LAMA5: variants seen among roughly 807,000 people sequenced by gnomAD.
The protein encoded by LAMA5 is laminin subunit alpha 5.
In LAMA5, 260 loss-of-function variants were observed where a neutral mutation model predicts 433.4. The ratio of observed to expected loss-of-function variants is 0.60; its 90% CI spans 0.54 to 0.66. The LOEUF (loss-of-function observed/expected upper bound fraction) is 0.66, where lower values mean the gene tolerates loss of function less well. LAMA5 is among the 30% of genes least tolerant of loss of function. The pLI is 0.00. For synonymous variants in LAMA5, 2,620 were observed against 2,226.6 expected (o/e 1.18, Z -4.97); for missense variants, 5,378 against 5,258.5 (o/e 1.02, Z -0.70).
chr20:62,317,620 G>A (rs759528757), intron 54 of LAMA5, 42 bp downstream of exon 54: 13 of 1,520,904 alleles, frequency 8.5e-6, no homozygotes, highest in Non-Finnish European at 9.8e-6. Context: ...GAGGGAGTTG[G>A]CCGTGGATGG....
At chr20:62,357,152 T>G (rs1985358331) in intron 2 of LAMA5, among the ~76,000 whole-genome samples, 1 of 152,146 alleles carries the variant, frequency 6.6e-6, no homozygotes, top group African/African-American at 2.4e-5. Context: ...CAAACCCAGC[T>G]CTGCCCTGAC....
chr20:62,314,987 G>C, intron 59 of LAMA5, 40 bp from the exon 60 acceptor site: 1 of 1,577,074 alleles, frequency 6.3e-7, no homozygotes, highest in Non-Finnish European at 8.6e-7. Flanking sequence ...CCCCCACCGT[G>C]CCCGCCTCCA....
Position 62,329,127 on chromosome 20 carries a change from G to C in LAMA5, c.4235+11C>G. The C allele has an allele frequency of 6.2e-7, 1 of 1,612,176 alleles. No individual in the cohort carries two copies. The highest frequency in any genetic ancestry group is 8.5e-7 in the Non-Finnish European group (1 of 1,179,358). Reference sequence around the variant, plus strand: ...CACCCCGGACCCCTGACCTGCCAGAGCCCTGCCCACCTGATGTGGTAGCCC... The same window carrying C: ...CACCCCGGACCCCTGACCTGCCAGACCCCTGCCCACCTGATGTGGTAGCCC... On this transcript the variant is annotated intron_variant, in intron 33 of 79. Transcript: ENST00000252999.
At chr20:62,326,653 G>A in intron 40 of LAMA5, 24 bp downstream of exon 40, 2 of 1,599,040 alleles carry the variant, frequency 1.3e-6, no homozygotes, top group Non-Finnish European at 1.7e-6. Context: ...GAGGGACCTG[G>A]GTGCCCAAGC....
chr20:62,326,957 A>G lies in LAMA5; in HGVS notation c.5122T>C (p.Tyr1708His). The change falls in exon 39 of 80, where the codon TAC (tyrosine) becomes CAC (histidine). Residue 1708 changes from tyrosine to histidine, a missense_variant. Transcript: ENST00000252999. ...AGTTCATAACGGAGGGTCCCACCGTAGGATGACACCTGGAGGCAGGACAGA... is the reference window on the plus strand; with the variant it reads ...AGTTCATAACGGAGGGTCCCACCGTGGGATGACACCTGGAGGCAGGACAGA... ...PSYLGDRVSS[Y>H]GGTLRYELHS... 6.2e-7 allele frequency: 1 copy of G among 1,605,442 alleles called. No individual in the cohort carries two copies. The highest frequency in any genetic ancestry group is 1.1e-5 in the South Asian group (1 of 90,550).
At chr20:62,341,882 G>GAATAGA (rs972113725) in intron 11 of LAMA5, among the ~76,000 whole-genome samples, 2 of 148,466 alleles carry the variant, frequency 1.3e-5, no homozygotes, top group African/African-American at 5.1e-5. Context: ...AAATAGACGA[G>GAATAGA]AATAGAAATG....
At chr20:62,310,615 G>A (rs776049868) in intron 75 of LAMA5, 43 bp from the exon 76 acceptor site, 2 of 1,583,326 alleles carry the variant, frequency 1.3e-6, no homozygotes, top group South Asian at 2.3e-5. Flanking sequence ...CAGGGCAGCT[G>A]AAAGGGAACA....
Position 62,329,238 on chromosome 20 carries a change from C to G in LAMA5, c.4135G>C (p.Val1379Leu). Residue 1379 changes from valine (V) to leucine (L), a missense_variant, in exon 33 of 80, where the codon GTC becomes CTC. Val to Leu is a conservative substitution (Grantham distance 32, BLOSUM62 1). Coordinates refer to ENST00000252999, the MANE Select transcript of LAMA5 (RefSeq NM_005560.6). ...CCAAAGCTGTAGACGTTCTCAGGGA[C>G]CACGAGTACATAATCCTAGGGGGTG... ...RWLWLDYVLV[V>L]PENVYSFGYL... The G allele has an allele frequency of 6.2e-7, 1 of 1,612,016 alleles. No individual in the cohort carries two copies. The highest frequency in any genetic ancestry group is 1.1e-5 in the South Asian group (1 of 91,072).
intron 11 of LAMA5, among the ~76,000 whole-genome samples, chr20:62,340,185 CA>C (rs1982358278): frequency 6.6e-6 from 1 of 151,808 alleles, no homozygotes; most frequent in African/African-American, 2.4e-5. Flanking sequence ...TTTGGCAAAC[CA>C]GAGTCAGAGA....
intron 1 of LAMA5, 123 bp from the exon 2 acceptor site, chr20:62,362,675 T>C: frequency 2.4e-6 from 2 of 818,392 alleles, no homozygotes; most frequent in Non-Finnish European, 3.4e-6. Context: ...GCCCAGCCTC[T>C]GCGCCCCTCA....
In LAMA5 at chr20:62,338,515, G is replaced by C. The variant is rs754610401; in HGVS notation, c.1571C>G (p.Thr524Ser). ...CCCTGGCGCGCAGAGCTCACAATGG[G>C]TGCCTTGGAAGTTGGGTTTGCACAG... ...RCLCKPNFQG[T>S]HCELCAPGFY... is the part of the protein sequence containing the mutation. The change falls in exon 12 of 80, where the codon ACC (threonine) becomes AGC (serine). Residue 524 changes from threonine (T) to serine (S), a missense_variant. Physicochemically the swap from Thr to Ser is moderately conservative, Grantham distance 58. Coordinates refer to ENST00000252999, the MANE Select transcript of LAMA5 (RefSeq NM_005560.6). The C allele has an allele frequency of 1.9e-6, 3 of 1,610,116 alleles. No individual in the cohort carries two copies. Among genetic ancestry groups the C allele is most frequent in the South Asian group, 2.2e-5 (2 of 90,300 alleles).
chr20:62,316,116 C>T (rs1986904274), intron 57 of LAMA5, 58 bp from the exon 58 acceptor site: 1 of 1,165,618 alleles, frequency 8.6e-7, no homozygotes, highest in Non-Finnish European at 1.2e-6. Context: ...ACAATTGCAG[C>T]CCACCTCCAC....
chr20:62,332,499 C>T lies in LAMA5; in HGVS notation c.3444-19G>A. 5.6e-6 allele frequency: 9 copies of T among 1,610,892 alleles called. No individual in the cohort carries two copies. The highest frequency in any genetic ancestry group is 7.6e-6 in the Non-Finnish European group (9 of 1,178,794). On this transcript the variant is annotated intron_variant, in intron 27 of 79. Transcript: ENST00000252999. Reference sequence around the variant, plus strand: ...CAGGGTGCTGTGGGGGGAGGGTGGTCAGCAGGTGGGGCAGCCCCGGGCGTG... The same window carrying T: ...CAGGGTGCTGTGGGGGGAGGGTGGTTAGCAGGTGGGGCAGCCCCGGGCGTG...
At chr20:62,351,005 G>A (rs1014751584) in intron 6 of LAMA5, 2 of 153,374 alleles carry the variant, frequency 1.3e-5, no homozygotes, top group Admixed American at 1.3e-4. Flanking sequence ...AGGACTCTGG[G>A]TGAGGCCCAG....
intron 6 of LAMA5, among the ~76,000 whole-genome samples, chr20:62,349,293 A>AT (rs1983835919): frequency 6.8e-6 from 1 of 146,802 alleles, no homozygotes; most frequent in East Asian, 2.0e-4. Flanking sequence ...AAAAAAAAAA[A>AT]GCGTGAGTCC....
At chr20:62,313,979 C>G (rs866741798) in intron 62 of LAMA5, among the ~76,000 whole-genome samples, 177 bp from the exon 63 acceptor site, 1 of 11,214 alleles carries the variant, frequency 8.9e-5, no homozygotes, top group East Asian at 1.4e-3. Flanking sequence ...GGCACAGAGA[C>G]GGGTGGCGAG....
intron 4 of LAMA5, 40 bp downstream of exon 4, chr20:62,352,195 CTCTCCGT>C: frequency 6.4e-7 from 1 of 1,566,466 alleles, no homozygotes; most frequent in East Asian, 2.3e-5. Context: ...CCCTACCCAC[CTCTCCGT>C]TCTCCAGCCC....
chr20:62,315,548 C>A (rs766071618), intron 58 of LAMA5, among the ~76,000 whole-genome samples: 3 of 152,106 alleles, frequency 2.0e-5, no homozygotes, highest in Non-Finnish European at 4.4e-5. Context: ...TGAGGCACAT[C>A]GTCCTCTGCT....
intron 51 of LAMA5, among the ~76,000 whole-genome samples, 183 bp downstream of exon 51, chr20:62,319,501 G>A (rs970576271): frequency 5.9e-5 from 9 of 152,256 alleles, no homozygotes; most frequent in African/African-American, 1.7e-4. Flanking sequence ...CCACCTGTCT[G>A]GCCACACGGC....
Sources: allele counts gnomAD v4.1 joint callset (sites outside exome capture counted in the v4.1 genomes callset), GRCh38; gene constraint gnomAD v4.1.1; transcripts MANE v1.5; gene names NCBI Gene and HGNC (gene_info 2026-07-23, HGNC 2026-07-21).